INTS8: variants seen among roughly 807,000 people sequenced by gnomAD.
INTS8 encodes the protein integrator complex subunit 8.
Under a neutral mutation model 138.9 loss-of-function variants are expected in INTS8, and 47 were observed. The ratio of observed to expected loss-of-function variants is 0.34; its 90% CI spans 0.27 to 0.43. The LOEUF is 0.43. Among genes scored for constraint, INTS8 ranks in the 20% least tolerant of loss-of-function variants. INTS8 has a pLI of 1.00. For synonymous variants in INTS8, 392 were observed against 400.9 expected, an observed-to-expected ratio of 0.98 and a Z score of 0.27; for missense variants, 996 against 1,173.0, an observed-to-expected ratio of 0.85 and a Z score of 2.20.
rs990438172 is a variant in INTS8 at position 94,856,771 on chromosome 8, T to A, written c.1753-6T>A. ...GTGACCCAGGCTATTCTTTTTCTTT[T>A]CATAGGACTTTTCCCATGCTAAACA... On this transcript the variant is annotated splice_region_variant and splice_polypyrimidine_tract_variant and intron_variant, in intron 14 of 26. Coordinates refer to ENST00000523731, the MANE Select transcript of INTS8 (RefSeq NM_017864.4). 72 of 1,613,806 alleles carry A rather than the reference T, an allele frequency of 4.5e-5. No homozygotes were observed. The highest frequency in any genetic ancestry group is 6.0e-5 in the Non-Finnish European group (71 of 1,179,730).
intron 4 of INTS8, 44 bp from the exon 5 acceptor site, chr8:94,828,931 A>C (rs1186867197): frequency 7.7e-7 from 1 of 1,302,920 alleles, no homozygotes; most frequent in Non-Finnish European, 1.1e-6. Flanking sequence ...TTTAGTCTTG[A>C]GAGTAACTTT....
chr8:94,832,088 T>C lies in INTS8; in HGVS notation c.667T>C (p.Leu223=), dbSNP rs528122547. The C allele has an allele frequency of 4.3e-6, 7 of 1,613,932 alleles. No homozygotes were observed. The Admixed American group carries it at 6.7e-5, about 15-fold the overall frequency. The part of the protein sequence containing the change: ...YVHTMRTLDL[L]AMEPGMVNGE... ...CCATACGATGAGAACTCTAGATTTA[T>C]TGGCCATGGAACCAGGCATGGTAAA... Residue 223 remains leucine (L), a synonymous_variant, in exon 6 of 27, where the codon TTG becomes CTG. Coordinates refer to ENST00000523731, the MANE Select transcript of INTS8 (RefSeq NM_017864.4).
chr8:94,842,239 C>A, intron 9 of INTS8, 108 bp from the exon 10 acceptor site: 1 of 635,088 alleles, frequency 1.6e-6, no homozygotes, highest in Non-Finnish European at 2.5e-6. Flanking sequence ...ATTCTAAAAT[C>A]TTACCTCTTA....
At chr8:94,853,409 T>C (rs1815624489) in intron 13 of INTS8, among the ~76,000 whole-genome samples, 2 of 152,228 alleles carry the variant, frequency 1.3e-5, no homozygotes, top group Admixed American at 1.3e-4. Flanking sequence ...TAAGCTTGAA[T>C]GCCAGCTTCA....
Position 94,823,528 on chromosome 8 carries a change from C to G in INTS8, c.97C>G (p.Leu33Val). 6.3e-7 allele frequency: 1 copy of G among 1,578,592 alleles called. No homozygotes were observed. Among genetic ancestry groups the G allele is most frequent in the East Asian group, 2.3e-5 (1 of 43,288 alleles). The change falls in exon 1 of 27, where the codon CTG (leucine) becomes GTG (valine). Residue 33 changes from leucine (L) to valine (V), a missense_variant. Leu to Val is a conservative substitution (Grantham distance 32). Transcript: ENST00000523731. Reference protein sequence around the residue: ...CWFEFLLEESLLEKHLRKPCP... With the variant: ...CWFEFLLEESVLEKHLRKPCP... ...GTTTGAGTTTCTGCTGGAGGAGTCA[C>G]TGTTGGAGAAACATCTGCGCAAGCC...
At chr8:94,829,076 G>T (rs372525973) in intron 5 of INTS8, 50 bp downstream of exon 5, 67 of 1,369,520 alleles carry the variant, frequency 4.9e-5, no homozygotes, top group Non-Finnish European at 6.9e-5. Context: ...CAACTTTAGA[G>T]CAGCAGTTCC....
chr8:94,825,141 A>G (rs911711015), intron 2 of INTS8, 74 bp downstream of exon 2: 3 of 1,070,312 alleles, frequency 2.8e-6, no homozygotes, highest in Non-Finnish European at 4.2e-6. Flanking sequence ...ATATGCTTTT[A>G]TGATATCGGC....
rs1366246596 is a variant in INTS8 at position 94,849,499 on chromosome 8, A to G, written c.1298A>G (p.Glu433Gly). The G allele has an allele frequency of 6.4e-7, 1 of 1,570,020 alleles. No individual in the cohort carries two copies. The highest frequency in any genetic ancestry group is 8.7e-7 in the Non-Finnish European group (1 of 1,152,978). The change falls in exon 11 of 27, where the codon GAG becomes GGG. Residue 433 changes from glutamate to glycine, a missense_variant. Coordinates refer to ENST00000523731, the MANE Select transcript of INTS8 (RefSeq NM_017864.4). Reference sequence around the variant, plus strand: ...TCAGTAAATTTAGAAAAAGCTTCAGAGTCTTTGAAAGGAAACATGGCTGCT... The same window carrying G: ...TCAGTAAATTTAGAAAAAGCTTCAGGGTCTTTGAAAGGAAACATGGCTGCT... ...SRSVNLEKAS[E>G]SLKGNMAAFL...
At chr8:94,875,677 A>G (rs1353931501) in intron 23 of INTS8, among the ~76,000 whole-genome samples, 1 of 152,162 alleles carries the variant, frequency 6.6e-6, no homozygotes. Context: ...CCTGAGTGAA[A>G]TGTTTTCTAT....
intron 10 of INTS8, among the ~76,000 whole-genome samples, chr8:94,843,731 T>G (rs1815224493): frequency 6.6e-6 from 1 of 152,114 alleles, no homozygotes; most frequent in Admixed American, 6.6e-5. Flanking sequence ...TGTACATATA[T>G]CTAGGTGTGC....
At chr8:94,847,443 G>T (rs1815372043) in intron 10 of INTS8, among the ~76,000 whole-genome samples, 1 of 152,102 alleles carries the variant, frequency 6.6e-6, no homozygotes, top group Non-Finnish European at 1.5e-5. Context: ...TTATTGTCTG[G>T]AAAAGTTTGT....
At chr8:94,846,751 G>A (rs940193957) in intron 10 of INTS8, among the ~76,000 whole-genome samples, 2 of 152,298 alleles carry the variant, frequency 1.3e-5, no homozygotes, top group Middle Eastern at 3.4e-3. Context: ...TCTGATTAAG[G>A]AAGTTCCCTT....
At chr8:94,845,071 T>G (rs1016117364) in intron 10 of INTS8, among the ~76,000 whole-genome samples, 6 of 152,202 alleles carry the variant, frequency 3.9e-5, no homozygotes, top group Non-Finnish European at 7.3e-5. Flanking sequence ...CTTTATATTG[T>G]TCCAAAGCTC....
chr8:94,848,807 T>C (rs1236973381), intron 10 of INTS8, among the ~76,000 whole-genome samples: 1 of 152,180 alleles, frequency 6.6e-6, no homozygotes, highest in East Asian at 1.9e-4. Context: ...AAAAAATATT[T>C]AGCAATTTCT....
In INTS8 at chr8:94,880,665, G is replaced by A; in HGVS notation, c.*431G>A. ...AATAGAAGTTTAGGTCAAGTGTTAA[G>A]CTTTATCACTTTGACACTGTCCTTA... On this transcript the variant is annotated 3_prime_UTR_variant, in exon 27 of 27. Coordinates refer to ENST00000523731, the MANE Select transcript of INTS8 (RefSeq NM_017864.4). The A allele has an allele frequency of 2.6e-6, 1 of 391,772 alleles. No homozygotes were observed. 24.3% of individuals were successfully genotyped at this position (391,772 alleles called of 1,614,324 possible). A position where few individuals can be genotyped will look rare whatever the true frequency, so the allele number is the denominator to read the frequency against.
At chr8:94,870,893 C>T (rs770700898) in intron 20 of INTS8, among the ~76,000 whole-genome samples, 10 of 152,082 alleles carry the variant, frequency 6.6e-5, no homozygotes, top group East Asian at 1.9e-4. Flanking sequence ...GTGCCGGCCT[C>T]GCTTTTCTCT....
chr8:94,862,989 A>G (rs1816049577), intron 16 of INTS8, among the ~76,000 whole-genome samples: 1 of 152,180 alleles, frequency 6.6e-6, no homozygotes, highest in Non-Finnish European at 1.5e-5. Context: ...CTACTCATAT[A>G]TTACGTAATC....
chr8:94,832,439 A>G (rs1393342591), intron 6 of INTS8, among the ~76,000 whole-genome samples: 1 of 152,224 alleles, frequency 6.6e-6, no homozygotes, highest in African/African-American at 2.4e-5. Flanking sequence ...ATACAGTTAT[A>G]TGTAATTGAT....
In INTS8 at chr8:94,856,790, C is replaced by T; in HGVS notation, c.1766C>T (p.Ala589Val). 6.2e-7 allele frequency: 1 copy of T among 1,614,108 alleles called. No homozygotes were observed. Among genetic ancestry groups the T allele is most frequent in the Non-Finnish European group, 8.5e-7 (1 of 1,179,984 alleles). Residue 589 changes from alanine (A) to valine (V), a missense_variant, in exon 15 of 27, where the codon GCT (alanine) becomes GTT (valine). By Grantham distance (64) the Ala-to-Val change is moderately conservative (BLOSUM62 0). Coordinates refer to ENST00000523731, the MANE Select transcript of INTS8 (RefSeq NM_017864.4). The part of the protein sequence containing the change: ...HCSTVKDFSH[A>V]KQLFAACLEL... ...TTCTTTTCATAGGACTTTTCCCATG[C>T]TAAACAGCTCTTTGCTGCTTGTTTG...
Sources: gnomAD v4.1 joint callset for allele counts (sites outside exome capture counted in the v4.1 genomes callset) on GRCh38, gnomAD v4.1.1 for gene constraint, MANE v1.5 for transcripts, NCBI Gene and HGNC (gene_info 2026-07-23, HGNC 2026-07-21) for gene names.